NPIPB2: variants seen among roughly 807,000 people sequenced by gnomAD.
The protein encoded by NPIPB2 is nuclear pore complex-interacting protein family member B2.
A neutral mutation model predicts 30.8 loss-of-function variants in NPIPB2; 27 were observed. The observed-to-expected ratio is 0.88, with a 90% CI of 0.65 to 1.21. The LOEUF (loss-of-function observed/expected upper bound fraction) is 1.21. NPIPB2 is among the 50% of genes most tolerant of loss of function. The probability of loss-of-function intolerance (pLI) is 0.00; values close to 1 mark genes in which losing one functional copy is unlikely to be tolerated. For missense variants in NPIPB2, 440 were observed against 446.2 expected, an observed-to-expected ratio of 0.99 and a Z score of 0.13; for synonymous variants, 147 against 162.0, an observed-to-expected ratio of 0.91 and a Z score of 0.70.
chr16:11,946,283 G>T (rs999323644), upstream of NPIPB2, among the ~76,000 whole-genome samples: 1 of 151,560 alleles, frequency 6.6e-6, no homozygotes, highest in African/African-American at 2.4e-5. Context: ...TACTTGGGAG[G>T]CTGAGGCAGG....
chr16:11,974,454 T>C (rs1201378992), intron 1 of NPIPB2, among the ~76,000 whole-genome samples: 2 of 151,372 alleles, frequency 1.3e-5, no homozygotes, highest in Non-Finnish European at 2.9e-5. Flanking sequence ...GAAGCGGAGG[T>C]TGTAGTGAGC....
rs1456596483 is a variant in NPIPB2, at chr16:11,973,191, ATTCTAT to A, written c.-584+3371_-584+3376del. On this transcript the variant is annotated intron_variant, in intron 1 of 5. Coordinates refer to the NPIPB2 transcript ENST00000538896. Reference sequence around the variant, plus strand: ...AAAAAAAAAAAAAAAAAAAGACTCTATTCTATCAGTAATTCTAAAAGGGAGGAGTCT... The same window carrying A: ...AAAAAAAAAAAAAAAAAAAGACTCTACAGTAATTCTAAAAGGGAGGAGTCT... 4.1e-5 allele frequency among the ~76,000 whole-genome samples: 6 copies of A among 146,468 alleles called. No individual in the cohort carries two copies. The East Asian group carries it at 1.2e-3, about 30-fold the overall frequency.
At chr16:11,967,722 T>C (rs1264980194) in intron 1 of NPIPB2, 1 of 1,614,096 alleles carries the variant, frequency 6.2e-7, no homozygotes, top group Non-Finnish European at 8.5e-7. Context: ...TGACCATTGC[T>C]TTCCACTCCC....
Position 11,967,868 on chromosome 16 carries a change from A to C in NPIPB2, c.-584+8700T>G, listed in dbSNP as rs774920489. 8.7e-6 allele frequency: 14 copies of C among 1,605,578 alleles called. No individual in the cohort carries two copies. In the Admixed American group the frequency reaches 2.4e-4, roughly 27 times the overall value. ...GGTAATTAACCATTTCGACTCGAGCAGTGCCACTTTAAAAATCTTTTGTCA... is the reference window on the plus strand; with the variant it reads ...GGTAATTAACCATTTCGACTCGAGCCGTGCCACTTTAAAAATCTTTTGTCA... On this transcript the variant is annotated intron_variant, in intron 1 of 5. Coordinates refer to the NPIPB2 transcript ENST00000538896.
chr16:11,953,712 A>ATTT lies in NPIPB2; in HGVS notation c.-583-11601_-583-11599dup, dbSNP rs36103994. 7.1e-4 allele frequency among the ~76,000 whole-genome samples: 54 copies of ATTT among 75,530 alleles called. 1 individual carries two copies. The highest frequency in any genetic ancestry group is 2.4e-3 in the African/African-American group (53 of 21,914). The allele number at this position is 75,530 out of a possible 152,430, so 49.6% of individuals were successfully genotyped here. On this transcript the variant is annotated intron_variant, in intron 1 of 5. Coordinates refer to the NPIPB2 transcript ENST00000538896. ...TCAGATCATCCTTTTATTTACTTTA[A>ATTT]TTTTTTTTTTTTTTTTTTTTTGAGA...
chr16:11,974,190 T>G (rs1030683550), intron 1 of NPIPB2, among the ~76,000 whole-genome samples: 1 of 152,186 alleles, frequency 6.6e-6, no homozygotes, highest in African/African-American at 2.4e-5. Context: ...GGGTACTGGT[T>G]TCTAAGCCCC....
At chr16:11,946,990 G>A (rs1250066703), upstream of NPIPB2, among the ~76,000 whole-genome samples, 1 of 147,912 alleles carries the variant, frequency 6.8e-6, no homozygotes, top group African/African-American at 2.5e-5. Flanking sequence ...CCAAAGTGCT[G>A]GGATTACAGG....
At chr16:11,951,987 G>A (rs572414670) in intron 1 of NPIPB2, among the ~76,000 whole-genome samples, 20 of 152,114 alleles carry the variant, frequency 1.3e-4, no homozygotes, top group South Asian at 6.2e-4. Context: ...GTGAAACCCC[G>A]ACTCTACTAA....
At chr16:11,944,749 A>AC (rs2054986068), upstream of NPIPB2, among the ~76,000 whole-genome samples, 2 of 150,586 alleles carry the variant, frequency 1.3e-5, no homozygotes, top group African/African-American at 4.8e-5. Flanking sequence ...AAAAAAAAAA[A>AC]AAAAAAAAAA....
intron 1 of NPIPB2, among the ~76,000 whole-genome samples, chr16:11,960,918 G>A (rs2055148612): frequency 6.6e-6 from 1 of 150,516 alleles, no homozygotes; most frequent in Non-Finnish European, 1.5e-5. Context: ...CCAGACTGCA[G>A]TGCAGTGGCG....
At position 11,940,655 on chromosome 16, in the gene NPIPB2, G is replaced by A. The variant is rs943004067; in HGVS notation, c.63+1328C>T. Among the ~76,000 whole-genome samples, 51 of 114,128 alleles carry A rather than the reference G, an allele frequency of 4.5e-4. 1 individual carries two copies. Among genetic ancestry groups the A allele is most frequent in the African/African-American group, 1.4e-3 (51 of 35,610 alleles). 74.9% of individuals were successfully genotyped at this position (114,128 alleles called of 152,430 possible). A position where few individuals can be genotyped will look rare whatever the true frequency, so the allele number is the denominator to read the frequency against. ...AGGCGTTGTAATCTGAGCTATTCAG[G>A]AGGCTGAGGCAGGACAATTGCTTGA... On this transcript the variant is annotated intron_variant, in intron 1 of 7. Transcript: ENST00000399147.
At chr16:11,966,362 T>C (rs377594247) in intron 1 of NPIPB2, 29 of 1,600,784 alleles carry the variant, frequency 1.8e-5, no homozygotes, top group Non-Finnish European at 2.4e-5. Context: ...TGGTGAATCT[T>C]TGAAATCTAT....
At chr16:11,958,810 G>GTTGGTTTGGGGAGCTGAGC in intron 1 of NPIPB2, among the ~76,000 whole-genome samples, 1 of 152,288 alleles carries the variant, frequency 6.6e-6, no homozygotes, top group East Asian at 1.9e-4. Context: ...AACAATCAGG[G>GTTGGTTTGGGGAGCTGAGC]TTGGTTTGGG....
chr16:11,959,948 A>T (rs867022131), intron 1 of NPIPB2, among the ~76,000 whole-genome samples: 4 of 152,050 alleles, frequency 2.6e-5, no homozygotes, highest in African/African-American at 7.2e-5. Flanking sequence ...GCTAATTTTT[A>T]AATTATTTGT....
intron 1 of NPIPB2, among the ~76,000 whole-genome samples, chr16:11,965,609 A>C (rs1000777717): frequency 6.6e-6 from 1 of 152,222 alleles, no homozygotes; most frequent in African/African-American, 2.4e-5. Flanking sequence ...GTTTATGGAA[A>C]CAAAGTAATT....
At chr16:11,938,418 C>T (rs1429650774) in intron 1 of NPIPB2, among the ~76,000 whole-genome samples, 2 of 152,028 alleles carry the variant, frequency 1.3e-5, no homozygotes, top group Non-Finnish European at 2.9e-5. Context: ...GCAACCTCTG[C>T]CTCTCAGGTT....
chr16:11,966,257 A>G lies in NPIPB2; in HGVS notation c.-584+10311T>C, dbSNP rs11570147. On this transcript the variant is annotated intron_variant, in intron 1 of 5. Transcript: ENST00000538896. ...CTGGACCTGTTTGGGACTGAGCTTA[A>G]TAATTTCTTTGGCAGTTTTCGTGCT... The G allele has an allele frequency of 3.2e-4, 516 of 1,614,078 alleles. 1 individual carries two copies. In the African/African-American group the frequency reaches 6.1e-3, roughly 19 times the overall value.
intron 1 of NPIPB2, among the ~76,000 whole-genome samples, chr16:11,956,826 A>T (rs2055116545): frequency 6.6e-6 from 1 of 152,226 alleles, no homozygotes; most frequent in Non-Finnish European, 1.5e-5. Flanking sequence ...CTCACTCTCC[A>T]TGCTCAGTTG....
chr16:11,972,947 G>A (rs1596510218), intron 1 of NPIPB2, among the ~76,000 whole-genome samples: 1 of 151,738 alleles, frequency 6.6e-6, no homozygotes, highest in East Asian at 1.9e-4. Context: ...GATCACCTGA[G>A]GTCAGGAGTT....
Sources: allele counts gnomAD v4.1 joint callset (sites outside exome capture counted in the v4.1 genomes callset), GRCh38; gene constraint gnomAD v4.1.1; transcripts MANE v1.5; gene names NCBI Gene and HGNC (gene_info 2026-07-23, HGNC 2026-07-21).